Variants in UBE3C observed in about 807,000 individuals in gnomAD.
The protein encoded by UBE3C is ubiquitin-protein ligase E3C.
A neutral mutation model predicts 129.4 loss-of-function variants in UBE3C; 42 were observed. That is an observed-to-expected ratio of 0.32 (90% confidence interval 0.25 to 0.42). The LOEUF (loss-of-function observed/expected upper bound fraction) is 0.42. Among genes scored for constraint, UBE3C ranks in the 10% least tolerant of loss-of-function variants. The pLI is 1.00. For synonymous variants in UBE3C, 510 were observed against 492.4 expected, an observed-to-expected ratio of 1.04 and a Z score of -0.47; for missense variants, 1,049 against 1,319.1, an observed-to-expected ratio of 0.80 and a Z score of 3.17.
chr7:157,263,474 GC>G (rs1357875991), intron 22 of UBE3C, among the ~76,000 whole-genome samples: 1 of 152,128 alleles, frequency 6.6e-6, no homozygotes, highest in Non-Finnish European at 1.5e-5. Context: ...GACCAGCCTG[GC>G]CAACATGGCG....
At chr7:157,155,635 A>G (rs1271096925) in intron 1 of UBE3C, among the ~76,000 whole-genome samples, 3 of 152,238 alleles carry the variant, frequency 2.0e-5, no homozygotes, top group African/African-American at 7.2e-5. Context: ...TAAAGAATAA[A>G]CTTTGTTACC....
At chr7:157,220,568 G>A (rs1795709696) in intron 14 of UBE3C, 121 bp from the exon 15 acceptor site, 1 of 1,063,290 alleles carries the variant, frequency 9.4e-7, no homozygotes, top group African/African-American at 1.6e-5. Context: ...AAGGTATGAG[G>A]TCAGAGAGAG....
chr7:157,162,635 G>T (rs779786424), intron 1 of UBE3C, among the ~76,000 whole-genome samples: 4 of 151,772 alleles, frequency 2.6e-5, no homozygotes, highest in Non-Finnish European at 5.9e-5. Flanking sequence ...GACCTCCTGG[G>T]CCTAAGTGAT....
Position 157,178,782 on chromosome 7 carries a change from T to C in UBE3C, c.551T>C (p.Val184Ala). 6.2e-7 allele frequency: 1 copy of C among 1,614,234 alleles called. No homozygotes were observed. Among genetic ancestry groups the C allele is most frequent in the Non-Finnish European group, 8.5e-7 (1 of 1,180,040 alleles). The change falls in exon 6 of 23, where the codon GTT becomes GCT. Residue 184 changes from valine to alanine, a missense_variant. Coordinates refer to ENST00000348165, the MANE Select transcript of UBE3C (RefSeq NM_014671.3). ...TCGTCTGAGAATACTTACTTGCCTG[T>C]TTTACAAGATGCTAGCTATGTGGTG... is the stretch of plus-strand genomic sequence containing the variant. ...VFSSENTYLP[V>A]LQDASYVVSV...
intron 1 of UBE3C, among the ~76,000 whole-genome samples, chr7:157,153,604 A>G (rs1013696403): frequency 3.3e-5 from 5 of 152,104 alleles, no homozygotes; most frequent in African/African-American, 1.2e-4. Context: ...GCCCAGCCAG[A>G]AAGTCATAAT....
intron 1 of UBE3C, among the ~76,000 whole-genome samples, chr7:157,148,854 A>AT (rs1276756784): frequency 6.8e-6 from 1 of 148,032 alleles, no homozygotes; most frequent in Non-Finnish European, 1.5e-5. Context: ...ATCTCCAGCG[A>AT]TTCTCCTGCC....
intron 10 of UBE3C, chr7:157,197,517 T>G: frequency 1.1e-6 from 1 of 870,420 alleles, no homozygotes; most frequent in Non-Finnish European, 1.6e-6. Context: ...TTGTTTTTTT[T>G]TTTTTTTAAT....
intron 17 of UBE3C, among the ~76,000 whole-genome samples, chr7:157,228,313 A>C (rs1157227753): frequency 6.6e-6 from 1 of 152,242 alleles, no homozygotes; most frequent in African/African-American, 2.4e-5. Context: ...CCTGCACTGC[A>C]CTACCTTGTT....
chr7:157,175,137 CTTT>C (rs56852731), intron 5 of UBE3C, 103 bp downstream of exon 5: 2,384 of 250,206 alleles, frequency 9.5e-3, no homozygotes, highest in Middle Eastern at 0.014. Flanking sequence ...CTTTTCCATA[CTTT>C]TTTTTTTTTT....
intron 1 of UBE3C, among the ~76,000 whole-genome samples, chr7:157,158,050 C>CTTTTTTTTTTTTT (rs60257662): frequency 9.9e-6 from 1 of 101,126 alleles, no homozygotes; most frequent in African/African-American, 4.1e-5. Flanking sequence ...CTCTTTTTTC[C>CTTTTTTTTTTTTT]TTTTTTTTTT....
chr7:157,185,290 G>C lies in UBE3C; in HGVS notation c.1143+1261G>C, dbSNP rs550767037. Among the ~76,000 whole-genome samples, 27 of 152,350 alleles carry C rather than the reference G, an allele frequency of 1.8e-4. 1 individual carries two copies. The South Asian group carries it at 5.6e-3, about 32-fold the overall frequency. On this transcript the variant is annotated intron_variant, in intron 9 of 22. Coordinates refer to ENST00000348165, the MANE Select transcript of UBE3C (RefSeq NM_014671.3). ...GGAAATCACCTGCAGGCTCTCACTC[G>C]TGCTCACACTTTGAACATTTAAGAA...
At chr7:157,175,137 CTTTTTTTTT>C (rs56852731) in intron 5 of UBE3C, 103 bp downstream of exon 5, 12 of 252,760 alleles carry the variant, frequency 4.7e-5, no homozygotes, top group African/African-American at 4.1e-4. Context: ...CTTTTCCATA[CTTTTTTTTT>C]TTTTTTTTTT....
chr7:157,179,368 C>G (rs1045070730), intron 6 of UBE3C, among the ~76,000 whole-genome samples: 1 of 152,088 alleles, frequency 6.6e-6, no homozygotes, highest in Non-Finnish European at 1.5e-5. Context: ...TTTGAATTTT[C>G]TAACTCAGTG....
chr7:157,154,677 T>G (rs993937275), intron 1 of UBE3C, among the ~76,000 whole-genome samples: 4 of 152,212 alleles, frequency 2.6e-5, no homozygotes, highest in African/African-American at 9.6e-5. Context: ...AATTCTGAGG[T>G]AAGAAAAGAA....
At chr7:157,158,716 A>G (rs1299753041) in intron 1 of UBE3C, among the ~76,000 whole-genome samples, 1 of 152,190 alleles carries the variant, frequency 6.6e-6, no homozygotes, top group African/African-American at 2.4e-5. Context: ...AACTCAGCTA[A>G]TCCTTTGCTT....
chr7:157,197,678 A>G, intron 10 of UBE3C: 1 of 1,610,308 alleles, frequency 6.2e-7, no homozygotes, highest in Non-Finnish European at 8.5e-7. Flanking sequence ...TTAGCTCTTT[A>G]TTCGGAAATG....
intron 1 of UBE3C, among the ~76,000 whole-genome samples, chr7:157,157,886 A>G (rs1807956045): frequency 6.6e-6 from 1 of 151,948 alleles, no homozygotes; most frequent in Non-Finnish European, 1.5e-5. Flanking sequence ...AGGCCGAGGC[A>G]GGAGAATTGC....
At chr7:157,197,625 G>C in intron 10 of UBE3C, 2 of 1,606,698 alleles carry the variant, frequency 1.2e-6, no homozygotes, top group Non-Finnish European at 1.7e-6. Flanking sequence ...GAGTAACACA[G>C]TGTTAAGAAT....
rs767242609 is a variant in UBE3C at position 157,217,230 on chromosome 7, A to G, written c.1914+259A>G. The G allele has an allele frequency of 7.1e-4, 202 of 286,142 alleles. 1 individual carries two copies. The highest frequency in any genetic ancestry group is 1.1e-3 in the Non-Finnish European group (165 of 153,656). The allele number at this position is 286,142 out of a possible 1,614,324, so 17.7% of individuals were successfully genotyped here. On this transcript the variant is annotated intron_variant, in intron 14 of 22. Transcript: ENST00000348165. ...CTGAGATTATATTAAAGCCTTAATG[A>G]TTCTTTGTGAGGTTGAAAAATATTT...
Sources: allele counts gnomAD v4.1 joint callset (sites outside exome capture counted in the v4.1 genomes callset), GRCh38; gene constraint gnomAD v4.1.1; transcripts MANE v1.5; gene names NCBI Gene and HGNC (gene_info 2026-07-23, HGNC 2026-07-21).